Variants in TAOK1 observed in about 807,000 individuals in gnomAD.
TAOK1 encodes TAO kinase 1, also known as serine/threonine-protein kinase TAO1.
TAOK1 carries 21 observed loss-of-function variants against 138.3 expected under a neutral mutation model. The observed-to-expected ratio is 0.15, with a 90% CI of 0.11 to 0.22. The LOEUF (loss-of-function observed/expected upper bound fraction) is 0.22, where lower values mean the gene tolerates loss of function less well. Among genes scored for constraint, TAOK1 ranks in the 10% least tolerant of loss-of-function variants. TAOK1 has a pLI of 1.00. For synonymous variants in TAOK1, 361 were observed against 398.4 expected (o/e 0.91, Z 1.12); for missense variants, 651 against 1,227.7 (o/e 0.53, Z 7.02).
chr17:29,419,610 A>G (rs1052485079), intron 1 of TAOK1, among the ~76,000 whole-genome samples: 13 of 149,994 alleles, frequency 8.7e-5, no homozygotes, highest in East Asian at 2.0e-4. Context: ...CTCCACCTCA[A>G]CCTCCTAAAT....
chr17:29,516,566 C>T (rs1256992538), intron 15 of TAOK1, among the ~76,000 whole-genome samples: 1 of 149,748 alleles, frequency 6.7e-6, no homozygotes, highest in Non-Finnish European at 1.5e-5. Context: ...GCAGTGATGC[C>T]ATCTCAGCTT....
In TAOK1 at chr17:29,522,497, G is replaced by A; in HGVS notation, c.2126G>A (p.Arg709Gln). 1 of 1,614,168 alleles carries A rather than the reference G, an allele frequency of 6.2e-7. No homozygotes were observed. ...AGACGAAAGCATGTCATGGAAGTTC[G>A]ACAACAGCCTAAGAGTTTGAAGGTA... The part of the protein sequence containing the change: ...ELRRKHVMEV[R>Q]QQPKSLKSKE... The change falls in exon 17 of 20, where the codon CGA (arginine) becomes CAA (glutamine). Residue 709 changes from arginine to glutamine, a missense_variant. By Grantham distance (43) the Arg-to-Gln change is conservative. Around this residue, in one of 8 missense-constraint regions of TAOK1, gnomAD observed 258 missense variants for 548.9 expected, o/e 0.47. Transcript: ENST00000261716.
At chr17:29,536,723 G>A (rs1401482379) in intron 19 of TAOK1, among the ~76,000 whole-genome samples, 3 of 139,262 alleles carry the variant, frequency 2.2e-5, no homozygotes, top group Admixed American at 1.5e-4. Context: ...TTTTTGAGAC[G>A]GAGTCTGGCT....
rs531835225 is a variant in TAOK1 at position 29,475,009 on chromosome 17, C to T, written c.205-661C>T. Among the ~76,000 whole-genome samples, 9 of 152,148 alleles carry T rather than the reference C, an allele frequency of 5.9e-5. No individual in the cohort carries two copies. The South Asian group carries it at 8.3e-4, about 14-fold the overall frequency. On this transcript the variant is annotated intron_variant, in intron 3 of 19. Coordinates refer to ENST00000261716, the MANE Select transcript of TAOK1 (RefSeq NM_020791.4). ...GCTGGAGTGCAGTGTGGCTCGATCT[C>T]GGCTCACTGCAACCTCCACCTCCCG...
chr17:29,482,221 C>A lies in TAOK1; in HGVS notation c.588C>A (p.Ala196=). ...GGATGGCCCCAGAAGTAATTTTAGC[C>A]ATGGATGAAGGACAATATGATGGCA... ...PYWMAPEVIL[A]MDEGQYDGKV... Residue 196 remains alanine, a synonymous_variant, in exon 8 of 20, where the codon GCC becomes GCA. Coordinates refer to ENST00000261716, the MANE Select transcript of TAOK1 (RefSeq NM_020791.4). 2 of 1,612,020 alleles carry A rather than the reference C, an allele frequency of 1.2e-6. No individual in the cohort carries two copies. The highest frequency in any genetic ancestry group is 1.7e-6 in the Non-Finnish European group (2 of 1,179,186).
rs1197263589 is a variant in TAOK1, at chr17:29,543,801, G to C, written c.*779G>C. ...CTTCTTTGTATTATGATAAGATGGG[G>C]GTACTTAAGGAGATCACAAGTTGTG... On this transcript the variant is annotated 3_prime_UTR_variant, in exon 20 of 20. Coordinates refer to ENST00000261716, the MANE Select transcript of TAOK1 (RefSeq NM_020791.4). 6.6e-6 allele frequency: 1 copy of C among 152,060 alleles called. No individual in the cohort carries two copies. The highest frequency in any genetic ancestry group is 1.5e-5 in the Non-Finnish European group (1 of 68,022). 9.4% of individuals were successfully genotyped at this position (152,060 alleles called of 1,614,324 possible). A position where few individuals can be genotyped will look rare whatever the true frequency, so the allele number is the denominator to read the frequency against.
intron 2 of TAOK1, among the ~76,000 whole-genome samples, chr17:29,457,660 C>T (rs2030423054): frequency 6.6e-6 from 1 of 151,784 alleles, no homozygotes; most frequent in African/African-American, 2.4e-5. Context: ...CCCATCTCGG[C>T]CTCCCAAAGT....
chr17:29,414,680 C>A (rs1201632857), intron 1 of TAOK1, among the ~76,000 whole-genome samples: 1 of 152,020 alleles, frequency 6.6e-6, no homozygotes, highest in Non-Finnish European at 1.5e-5. Flanking sequence ...CCTCAGCCTC[C>A]TAAGTAGTTG....
At chr17:29,481,698 G>A (rs375979957) in intron 7 of TAOK1, among the ~76,000 whole-genome samples, 52 of 151,200 alleles carry the variant, frequency 3.4e-4, no homozygotes, top group African/African-American at 1.1e-3. Context: ...GGTGGATCAC[G>A]CCTGTAATCC....
At chr17:29,441,439 T>C (rs1305394767) in intron 1 of TAOK1, among the ~76,000 whole-genome samples, 2 of 152,214 alleles carry the variant, frequency 1.3e-5, no homozygotes, top group Non-Finnish European at 2.9e-5. Context: ...TCTTTACTTG[T>C]TGAAATTAGA....
chr17:29,438,791 C>T (rs1906117645), intron 1 of TAOK1, among the ~76,000 whole-genome samples: 1 of 152,206 alleles, frequency 6.6e-6, no homozygotes, highest in African/African-American at 2.4e-5. Context: ...AGTCCCACCT[C>T]TTGAGCGAGT....
At chr17:29,494,407 G>A (rs938954869) in intron 10 of TAOK1, among the ~76,000 whole-genome samples, 1 of 152,060 alleles carries the variant, frequency 6.6e-6, no homozygotes, top group Non-Finnish European at 1.5e-5. Context: ...TGCTTGAGAG[G>A]CTGAGGTGGG....
At chr17:29,517,346 C>G (rs2031836327) in intron 15 of TAOK1, 107 bp from the exon 16 acceptor site, 4 of 1,037,964 alleles carry the variant, frequency 3.9e-6, no homozygotes, top group Non-Finnish European at 5.7e-6. Context: ...TCTCAAACTC[C>G]TGACCTCAGG....
chr17:29,462,767 C>T (rs1372362228), intron 2 of TAOK1, among the ~76,000 whole-genome samples: 1 of 152,204 alleles, frequency 6.6e-6, no homozygotes, highest in African/African-American at 2.4e-5. Flanking sequence ...TCTTCACAGA[C>T]AATTTCCTAG....
rs571981000 is a variant in TAOK1, at chr17:29,489,570, A to G, written c.656-94A>G. On this transcript the variant is annotated intron_variant, in intron 8 of 19. Transcript: ENST00000261716. ...TGTGTAAGTTTAAGATTGTTTCAAAATAAAATCATTTAAAAAAAAAAAAGG... is the reference window on the plus strand; with the variant it reads ...TGTGTAAGTTTAAGATTGTTTCAAAGTAAAATCATTTAAAAAAAAAAAAGG... The G allele has an allele frequency of 1.7e-4, 136 of 804,202 alleles. 2 individuals are homozygous for G. The highest frequency in any genetic ancestry group is 1.4e-3 in the South Asian group (70 of 49,372). 49.8% of individuals were successfully genotyped at this position (804,202 alleles called of 1,614,324 possible).
At chr17:29,477,541 G>A (rs1039652393) in intron 4 of TAOK1, 120 bp from the exon 5 acceptor site, 7 of 382,564 alleles carry the variant, frequency 1.8e-5, no homozygotes, top group Non-Finnish European at 2.5e-5. Context: ...AAGGTAAATG[G>A]TGACTAGAAT....
chr17:29,397,627 T>TG (rs1204278700), intron 1 of TAOK1, among the ~76,000 whole-genome samples: 2 of 44,762 alleles, frequency 4.5e-5, no homozygotes. Context: ...TATATATATA[T>TG]ATACATGTAT....
At chr17:29,413,319 G>C (rs958515988) in intron 1 of TAOK1, among the ~76,000 whole-genome samples, 1 of 152,158 alleles carries the variant, frequency 6.6e-6, no homozygotes, top group African/African-American at 2.4e-5. Flanking sequence ...ATTTTAGGCC[G>C]GGTATGGTGG....
intron 1 of TAOK1, among the ~76,000 whole-genome samples, chr17:29,394,150 G>GTTTTTTTTTTTTTTTTTTTTTTTT (rs58117433): frequency 4.1e-5 from 2 of 48,248 alleles, no homozygotes; most frequent in Admixed American, 3.9e-4. Context: ...TAATTTGCCA[G>GTTTTTTTTTTTTTTTTTTTTTTTT]TTTTTTTTTT....
Sources: gnomAD v4.1 joint callset for allele counts (sites outside exome capture counted in the v4.1 genomes callset) on GRCh38, gnomAD v4.1.1 for gene constraint, gnomAD v4.1.1 regional missense constraint, MANE v1.5 for transcripts, NCBI Gene and HGNC (gene_info 2026-07-23, HGNC 2026-07-21) for gene names.